Variants in ARSB observed in about 807,000 individuals in gnomAD.
ARSB encodes arylsulfatase B, also known as N-acetylgalactosamine-4-sulfatase.
ARSB carries 41 observed loss-of-function variants against 50.9 expected under a neutral mutation model. The ratio of observed to expected loss-of-function variants is 0.81; its 90% CI spans 0.63 to 1.04. The LOEUF (loss-of-function observed/expected upper bound fraction) is 1.04. Among genes scored for constraint, ARSB ranks in the 50% least tolerant of loss-of-function variants. The probability of loss-of-function intolerance (pLI) is 0.00; values close to 1 mark genes in which losing one functional copy is unlikely to be tolerated. For missense variants in ARSB, 672 were observed against 693.3 expected, an observed-to-expected ratio of 0.97 and a Z score of 0.35; for synonymous variants, 269 against 284.8, an observed-to-expected ratio of 0.94 and a Z score of 0.56.
intron 6 of ARSB, among the ~76,000 whole-genome samples, chr5:78,831,179 A>G (rs1359055193): frequency 1.3e-5 from 2 of 152,130 alleles, no homozygotes; most frequent in Admixed American, 6.5e-5. Context: ...ATCGTTCCCA[A>G]CGTATAGGTG....
chr5:78,880,430 CATGCT>C (rs774202649), intron 5 of ARSB, among the ~76,000 whole-genome samples: 6 of 152,178 alleles, frequency 3.9e-5, no homozygotes, highest in Non-Finnish European at 8.8e-5. Flanking sequence ...TTTGATTCCA[CATGCT>C]ATTATGTCCT....
chr5:78,845,613 C>T (rs544722235), intron 5 of ARSB, among the ~76,000 whole-genome samples: 1 of 152,100 alleles, frequency 6.6e-6, no homozygotes, highest in Admixed American at 6.6e-5. Context: ...TTTAAATTTG[C>T]ATTCTCTCAT....
intron 4 of ARSB, among the ~76,000 whole-genome samples, chr5:78,916,745 T>C (rs936622910): frequency 6.6e-6 from 1 of 152,186 alleles, no homozygotes; most frequent in Non-Finnish European, 1.5e-5. Context: ...GACAAAGGTT[T>C]AGTAAGTGGA....
At chr5:78,896,349 A>T (rs1233880470) in intron 4 of ARSB, among the ~76,000 whole-genome samples, 1 of 152,122 alleles carries the variant, frequency 6.6e-6, no homozygotes, top group Non-Finnish European at 1.5e-5. Context: ...GCTCCAACGC[A>T]CTGGCTCCCT....
In ARSB at chr5:78,966,490, T is replaced by C. The variant is rs139316429; in HGVS notation, c.500-1884A>G. ...GTGTAAAAGACATTGGTTTCTAGTGTATTCACAGGCTTGTGCAACTATCCC... is the reference window on the plus strand; with the variant it reads ...GTGTAAAAGACATTGGTTTCTAGTGCATTCACAGGCTTGTGCAACTATCCC... On this transcript the variant is annotated intron_variant, in intron 2 of 7. Transcript: ENST00000264914. Among the ~76,000 whole-genome samples, 5 of 152,334 alleles carry C rather than the reference T, an allele frequency of 3.3e-5. No homozygotes were observed. In the East Asian group the frequency reaches 9.6e-4, roughly 29 times the overall value.
chr5:78,978,136 C>G (rs1752744343), intron 1 of ARSB, among the ~76,000 whole-genome samples: 1 of 152,054 alleles, frequency 6.6e-6, no homozygotes, highest in South Asian at 2.1e-4. Flanking sequence ...GTCAGGAGTT[C>G]AAGACCAGCC....
At chr5:78,858,675 A>G (rs550639891) in intron 5 of ARSB, among the ~76,000 whole-genome samples, 40 of 152,368 alleles carry the variant, frequency 2.6e-4, no homozygotes, top group African/African-American at 8.2e-4. Flanking sequence ...TAGCAATGAC[A>G]ATACTTTCTG....
chr5:78,923,386 T>C (rs1005583879), intron 4 of ARSB, among the ~76,000 whole-genome samples: 13 of 152,198 alleles, frequency 8.5e-5, no homozygotes, highest in Non-Finnish European at 1.6e-4. Flanking sequence ...CAAGGCACTG[T>C]GATTGCCCCT....
intron 5 of ARSB, 175 bp downstream of exon 5, chr5:78,885,409 A>G: frequency 1.1e-6 from 1 of 918,606 alleles, no homozygotes; most frequent in East Asian, 2.8e-5. Context: ...TCTCAAATTT[A>G]TAATTTAAAA....
In ARSB at chr5:78,889,292, A is replaced by T. The variant is rs1317797710; in HGVS notation, c.899-3465T>A. ...TGAAGTTTGACATAAATTAGAATTT[A>T]AAAAGACAATGGAACCATCAGCATT... On this transcript the variant is annotated intron_variant, in intron 4 of 7. Transcript: ENST00000264914. Among the ~76,000 whole-genome samples the T allele has an allele frequency of 2.0e-5, 3 of 152,360 alleles. No individual in the cohort carries two copies. The East Asian group carries it at 5.8e-4, about 29-fold the overall frequency.
intron 2 of ARSB, among the ~76,000 whole-genome samples, chr5:78,966,113 G>A (rs540939449): frequency 1.3e-5 from 2 of 152,206 alleles, no homozygotes; most frequent in South Asian, 2.1e-4. Context: ...ACTGTTAAGT[G>A]TGAGCTGCTT....
At chr5:78,897,627 T>A (rs1353326233) in intron 4 of ARSB, among the ~76,000 whole-genome samples, 1 of 152,164 alleles carries the variant, frequency 6.6e-6, no homozygotes, top group Non-Finnish European at 1.5e-5. Flanking sequence ...TCACAGTGAC[T>A]GGCATGTTTA....
intron 5 of ARSB, chr5:78,885,311 A>G (rs1279469131): frequency 6.2e-6 from 3 of 480,548 alleles, no homozygotes; most frequent in East Asian, 6.4e-5. Flanking sequence ...GCCTACTTCT[A>G]AGCAAAACGT....
chr5:78,825,915 A>T (rs955389342), intron 6 of ARSB, among the ~76,000 whole-genome samples: 5 of 152,318 alleles, frequency 3.3e-5, no homozygotes, highest in African/African-American at 4.8e-5. Flanking sequence ...AATTAAGCCA[A>T]ATCTAAGCTT....
rs1375047253 is a variant in ARSB, at chr5:78,815,130, T to C, written c.1213+24226A>G. On this transcript the variant is annotated intron_variant, in intron 6 of 7. Coordinates refer to ENST00000264914, the MANE Select transcript of ARSB (RefSeq NM_000046.5). ...AATCACAACCCAATTATCGAAAAGA[T>C]TATTGAAGTTGACTGTAGTAAAGCA... 3.3e-5 allele frequency among the ~76,000 whole-genome samples: 5 copies of C among 150,848 alleles called. 1 individual carries two copies. The highest frequency in any genetic ancestry group is 7.4e-5 in the Non-Finnish European group (5 of 67,728).
At chr5:78,911,950 T>C (rs924712663) in intron 4 of ARSB, among the ~76,000 whole-genome samples, 1 of 152,174 alleles carries the variant, frequency 6.6e-6, no homozygotes, top group African/African-American at 2.4e-5. Flanking sequence ...GCAATAATAA[T>C]TTTAAAAATA....
chr5:78,961,244 C>T (rs1751970099), intron 3 of ARSB, among the ~76,000 whole-genome samples: 1 of 152,172 alleles, frequency 6.6e-6, no homozygotes, highest in South Asian at 2.1e-4. Context: ...AAAAGCTCAG[C>T]TCCTCAAACT....
In ARSB at chr5:78,885,754, T is replaced by C. The variant is rs72762973; in HGVS notation, c.972A>G (p.Gly324=). Residue 324 remains glycine (G), a synonymous_variant, in exon 5 of 8, where the codon GGA becomes GGG. Coordinates refer to ENST00000264914, the MANE Select transcript of ARSB (RefSeq NM_000046.5). ...LRGRKWSLWE[G]GVRGVGFVAS... is the part of the protein sequence containing the mutation. ...CCACAAAGCCCACCCCTCGGACGCC[T>C]CCTTCCCACAGGCTCCATTTTCTTC... 0.064 allele frequency: 103,122 copies of C among 1,613,994 alleles called. 3,846 individuals carry two copies. Among genetic ancestry groups the C allele is most frequent in the Non-Finnish European group, 0.073 (86,165 of 1,179,980 alleles).
At chr5:78,941,665 G>C (rs1371118467) in intron 4 of ARSB, among the ~76,000 whole-genome samples, 1 of 152,156 alleles carries the variant, frequency 6.6e-6, no homozygotes, top group Admixed American at 6.5e-5. Flanking sequence ...TTTTTGATGT[G>C]CTGCTGGATT....
Sources: allele counts gnomAD v4.1 joint callset (sites outside exome capture counted in the v4.1 genomes callset), GRCh38; gene constraint gnomAD v4.1.1; transcripts MANE v1.5; gene names NCBI Gene and HGNC (gene_info 2026-07-23, HGNC 2026-07-21).